The following EPHA2 variants were observed in gnomAD, a reference collection of about 807,000 sequenced individuals.
EPHA2 encodes the protein EPH receptor A2.
In EPHA2, 54 loss-of-function variants were observed where a neutral mutation model predicts 104.9. The ratio of observed to expected loss-of-function variants is 0.51; its 90% CI spans 0.41 to 0.65. The LOEUF is 0.65. EPHA2 is among the 30% of genes least tolerant of loss of function. The pLI, the probability that EPHA2 is intolerant of heterozygous loss-of-function variation, is 0.00. For missense variants in EPHA2, 1,117 were observed against 1,369.5 expected (o/e 0.82, Z 2.91); for synonymous variants, 560 against 559.1 (o/e 1.00, Z -0.02).
At chr1:16,129,955 G>A (rs1247451778) in intron 15 of EPHA2, among the ~76,000 whole-genome samples, 1 of 152,152 alleles carries the variant, frequency 6.6e-6, no homozygotes, top group African/African-American at 2.4e-5. Flanking sequence ...TACAAAATGA[G>A]GATCACTGGA....
At chr1:16,151,577 G>C (rs1486611773) in intron 1 of EPHA2, among the ~76,000 whole-genome samples, 2 of 152,174 alleles carry the variant, frequency 1.3e-5, no homozygotes, top group African/African-American at 2.4e-5. Context: ...GGAGGGAAGA[G>C]GGTATCTGGA....
In EPHA2 at chr1:16,136,384, C is replaced by T. The variant is rs61227874; in HGVS notation, c.1313-614G>A. ...CCTGTAATCCCAGCACTTTGGGAGGCCGAGGCGGGAGGATTGCCTGAGGTT... is the reference window on the plus strand; with the variant it reads ...CCTGTAATCCCAGCACTTTGGGAGGTCGAGGCGGGAGGATTGCCTGAGGTT... On this transcript the variant is annotated intron_variant, in intron 5 of 16. Coordinates refer to ENST00000358432, the MANE Select transcript of EPHA2 (RefSeq NM_004431.5). Among the ~76,000 whole-genome samples, 772 of 150,900 alleles carry T rather than the reference C, an allele frequency of 5.1e-3. 12 individuals carry two copies. The highest frequency in any genetic ancestry group is 0.018 in the African/African-American group (724 of 41,264).
At position 16,132,104 on chromosome 1, in the gene EPHA2, CG is replaced by C. The variant is rs781128548; in HGVS notation, c.2284del (p.Arg762AlafsTer49). On this transcript the variant is annotated frameshift_variant, in exon 13 of 17. Coordinates refer to ENST00000358432, the MANE Select transcript of EPHA2 (RefSeq NM_004431.5). LOFTEE classifies it high-confidence loss of function. ...VCKVSDFGLSRVLEDDPEATY... is the reference protein window; with the variant it reads ...VCKVSDFGLSXVLEDDPEATY... ...GGCCTCGGGGTCGTCCTCCAGCACG[CG>C]GGACAGGCCAAAGTCAGACACCTTG... is the stretch of plus-strand genomic sequence containing the variant. 2 of 1,614,056 alleles carry C rather than the reference CG, an allele frequency of 1.2e-6. No individual in the cohort carries two copies. The highest frequency in any genetic ancestry group is 1.7e-6 in the Non-Finnish European group (2 of 1,180,002).
chr1:16,126,869 C>T (rs1033725680), intron 16 of EPHA2, among the ~76,000 whole-genome samples: 4 of 152,196 alleles, frequency 2.6e-5, no homozygotes, highest in Admixed American at 6.5e-5. Context: ...CCATCACCCC[C>T]ACAGCACCTG....
rs1431599530 is a variant in EPHA2 at position 16,148,478 on chromosome 1, T to C, written c.723A>G (p.Glu241=). 2.6e-5 allele frequency: 42 copies of C among 1,613,756 alleles called. No individual in the cohort carries two copies. The highest frequency in any genetic ancestry group is 3.3e-5 in the Non-Finnish European group (39 of 1,180,034). Residue 241 remains glutamate (E), a synonymous_variant, in exon 3 of 17, where the codon GAA becomes GAG. Coordinates refer to ENST00000358432, the MANE Select transcript of EPHA2 (RefSeq NM_004431.5). The surrounding 1 kb of genome is among the most constrained non-coding windows in gnomAD (Gnocchi z 4.9). The part of the protein sequence containing the change: ...VDHAVVPPGG[E]EPRMHCAVDG... ...CCACTGCACAGTGCATACGGGGCTC[T>C]TCACCCCCCGGTGGCACCACGGCAT... is the stretch of plus-strand genomic sequence containing the variant.
Position 16,150,581 on chromosome 1 carries a change from G to A in EPHA2, c.153+315C>T, listed in dbSNP as rs1402985952. Among the ~76,000 whole-genome samples the A allele has an allele frequency of 6.6e-6, 1 of 152,202 alleles. No individual in the cohort carries two copies. Among genetic ancestry groups the A allele is most frequent in the Non-Finnish European group, 1.5e-5 (1 of 68,024 alleles). On this transcript the variant is annotated intron_variant, in intron 2 of 16. Transcript: ENST00000358432. The surrounding 1 kb of genome is among the most constrained non-coding windows in gnomAD (Gnocchi z 4.8). ...CCCTCCCAAGAGGTGGATGGGTGGT[G>A]CCAGAGATCCCTCTGACTGTCAGCC... is the stretch of plus-strand genomic sequence containing the variant.
Position 16,133,569 on chromosome 1 carries a change from G to A in EPHA2, c.1776C>T (p.His592=), listed in dbSNP as rs2124207429. The stretch of plus-strand genomic sequence containing the variant: ...CAGCCTGGTTGGGGTCCTCATATGT[G>A]TGGGGGTCCACGTATGTCTTCAGGG... ...LKPLKTYVDP[H]TYEDPNQAVL... The change falls in exon 10 of 17, where the codon CAC becomes CAT. Residue 592 remains histidine (H), a synonymous_variant. Coordinates refer to ENST00000358432, the MANE Select transcript of EPHA2 (RefSeq NM_004431.5). The A allele has an allele frequency of 6.2e-7, 1 of 1,614,116 alleles. No individual in the cohort carries two copies. Among genetic ancestry groups the A allele is most frequent in the Non-Finnish European group, 8.5e-7 (1 of 1,179,982 alleles).
chr1:16,150,271 G>A lies in EPHA2; in HGVS notation c.153+625C>T, dbSNP rs114712004. Among the ~76,000 whole-genome samples, 3,698 of 152,250 alleles carry A rather than the reference G, an allele frequency of 0.024. 164 individuals are homozygous for A. Among genetic ancestry groups the A allele is most frequent in the African/African-American group, 0.085 (3,518 of 41,518 alleles). ...GTATAGAGAGGGAAACTGAGGCCCC[G>A]AGAGCCACATCTTCCCCAAGATCAC... On this transcript the variant is annotated intron_variant, in intron 2 of 16. Transcript: ENST00000358432. The surrounding 1 kb of genome is among the most constrained non-coding windows in gnomAD (Gnocchi z 4.8).
intron 3 of EPHA2, among the ~76,000 whole-genome samples, chr1:16,142,077 C>T (rs537067861): frequency 6.6e-6 from 1 of 152,208 alleles, no homozygotes; most frequent in Non-Finnish European, 1.5e-5. Flanking sequence ...CACTCAAACA[C>T]ACCCACATAC....
At chr1:16,146,091 A>G (rs1482866133) in intron 3 of EPHA2, among the ~76,000 whole-genome samples, 1 of 152,206 alleles carries the variant, frequency 6.6e-6, no homozygotes. Flanking sequence ...GTCTAGAGGT[A>G]TAAAGAGGAG....
In EPHA2 at chr1:16,155,950, C is replaced by T; in HGVS notation, c.-18G>A. On this transcript the variant is annotated 5_prime_UTR_variant, in exon 1 of 17. Transcript: ENST00000358432. ...AGCTCCATGCCGCGCTTCTCGCTCTCGGTCCGATCCCCCCGAGCCCGGCTC... is the reference window on the plus strand; with the variant it reads ...AGCTCCATGCCGCGCTTCTCGCTCTTGGTCCGATCCCCCCGAGCCCGGCTC... 6.7e-7 allele frequency: 1 copy of T among 1,485,276 alleles called. No individual in the cohort carries two copies. Among genetic ancestry groups the T allele is most frequent in the African/African-American group, 1.5e-5 (1 of 68,570 alleles). The allele number at this position is 1,485,276 out of a possible 1,614,324, so 92.0% of individuals were successfully genotyped here.
Position 16,153,154 on chromosome 1 carries a change from T to G in EPHA2, c.86-2191A>C, listed in dbSNP as rs562628753. On this transcript the variant is annotated intron_variant, in intron 1 of 16. Coordinates refer to ENST00000358432, the MANE Select transcript of EPHA2 (RefSeq NM_004431.5). ...GGAAAAAAAAAAAGCAAAAAACACCTCCTTCTTTGCCATGAGTTCCACCGT... is the reference window on the plus strand; with the variant it reads ...GGAAAAAAAAAAAGCAAAAAACACCGCCTTCTTTGCCATGAGTTCCACCGT... 1.2e-5 allele frequency: 12 copies of G among 983,728 alleles called. No individual in the cohort carries two copies. In the East Asian group the frequency reaches 9.1e-4, roughly 75 times the overall value. 60.9% of individuals were successfully genotyped at this position (983,728 alleles called of 1,614,324 possible). A position where few individuals can be genotyped will look rare whatever the true frequency, so the allele number is the denominator to read the frequency against.
rs768189561 is a variant in EPHA2, at chr1:16,150,923, G to C, written c.126C>G (p.Gly42=). Residue 42 remains glycine, a synonymous_variant, in exon 2 of 17, where the codon GGC becomes GGG. Coordinates refer to ENST00000358432, the MANE Select transcript of EPHA2 (RefSeq NM_004431.5). This position sits in a 1 kb window ranked among gnomAD's most constrained non-coding sequence, Gnocchi z 4.8. ...CTTTGCCATACGGGTGTGTGAGCCA[G>C]CCGAGCTCCCCTCCAGCTGCAGCAA... ...LDFAAAGGEL[G]WLTHPYGKGW... 1.2e-6 allele frequency: 2 copies of C among 1,614,138 alleles called. No individual in the cohort carries two copies. The highest frequency in any genetic ancestry group is 1.7e-6 in the Non-Finnish European group (2 of 1,180,026).
At chr1:16,139,135 C>T (rs2024776245) in intron 3 of EPHA2, among the ~76,000 whole-genome samples, 1 of 152,234 alleles carries the variant, frequency 6.6e-6, no homozygotes, top group Non-Finnish European at 1.5e-5. Flanking sequence ...CCAGTCCTGT[C>T]CTGGCCCAGC....
rs766487361 is a variant in EPHA2 at position 16,130,324 on chromosome 1, C to T, written c.2571G>A (p.Glu857=). 3 of 1,605,778 alleles carry T rather than the reference C, an allele frequency of 1.9e-6. No individual in the cohort carries two copies. In the East Asian group the frequency reaches 6.7e-5, roughly 36 times the overall value. ...CAGCGAACTTGGGGCGGCGGGCACGCTCCTGCTGCCAGCACTGCATCATGA... is the reference window on the plus strand; with the variant it reads ...CAGCGAACTTGGGGCGGCGGGCACGTTCCTGCTGCCAGCACTGCATCATGA... ...YQLMMQCWQQ[E]RARRPKFADI... Residue 857 remains glutamate, a synonymous_variant, in exon 15 of 17, where the codon GAG becomes GAA. Coordinates refer to ENST00000358432, the MANE Select transcript of EPHA2 (RefSeq NM_004431.5). The surrounding 1 kb of genome is among the most constrained non-coding windows in gnomAD (Gnocchi z 4.5).
chr1:16,126,536 G>A (rs1034336725), intron 16 of EPHA2, among the ~76,000 whole-genome samples: 4 of 152,242 alleles, frequency 2.6e-5, no homozygotes, highest in African/African-American at 9.6e-5. Flanking sequence ...GCAGCAGGAA[G>A]GCCGAGACAT....
At position 16,133,343 on chromosome 1, in the gene EPHA2, G is replaced by C; in HGVS notation, c.1890C>G (p.Gly630=). 1 of 1,613,776 alleles carries C rather than the reference G, an allele frequency of 6.2e-7. No homozygotes were observed. Among genetic ancestry groups the C allele is most frequent in the Non-Finnish European group, 8.5e-7 (1 of 1,179,952 alleles). ...TCTTCCCCGAGGATGTCTTCAGCATGCCCTTGTACACCTCCCCAAACTCTC... is the reference window on the plus strand; with the variant it reads ...TCTTCCCCGAGGATGTCTTCAGCATCCCCTTGTACACCTCCCCAAACTCTC... ...GAGEFGEVYK[G]MLKTSSGKKE... The change falls in exon 11 of 17, where the codon GGC becomes GGG. Residue 630 remains glycine, a synonymous_variant. Transcript: ENST00000358432.
Position 16,128,315 on chromosome 1 carries a change from C to T in EPHA2, c.2825+1119G>A, listed in dbSNP as rs533341675. 1.3e-5 allele frequency among the ~76,000 whole-genome samples: 2 copies of T among 152,332 alleles called. No individual in the cohort carries two copies. The highest frequency in any genetic ancestry group is 6.5e-5 in the Admixed American group (1 of 15,306). ...TCCTGTGATCCATCTCCCCTCCCTA[C>T]GTGTCCCCGCCTCCCCTCTGGTCGG... On this transcript the variant is annotated intron_variant, in intron 16 of 16. Transcript: ENST00000358432. This position sits in a 1 kb window ranked among gnomAD's most constrained non-coding sequence, Gnocchi z 4.7.
At position 16,135,242 on chromosome 1, in the gene EPHA2, T is replaced by G; in HGVS notation, c.1429-53A>C. ...AGGCAGTGAGGGCAGGGCAGGGGCC[T>G]CGGCTCAGCCCGCTGGAGACCACCC... On this transcript the variant is annotated intron_variant, in intron 6 of 16. Transcript: ENST00000358432. The surrounding 1 kb of genome is among the most constrained non-coding windows in gnomAD (Gnocchi z 4.3). 1 of 1,610,214 alleles carries G rather than the reference T, an allele frequency of 6.2e-7. No homozygotes were observed.
Sources: allele counts gnomAD v4.1 joint callset (sites outside exome capture counted in the v4.1 genomes callset), GRCh38; gene constraint gnomAD v4.1.1; non-coding constraint Gnocchi (gnomAD v3.1); transcripts MANE v1.5; gene names NCBI Gene and HGNC (gene_info 2026-07-23, HGNC 2026-07-21).